GPD2: variants seen among roughly 807,000 people sequenced by gnomAD.
GPD2 encodes glycerol-3-phosphate dehydrogenase, mitochondrial.
In GPD2, 54 loss-of-function variants were observed where a neutral mutation model predicts 82.4. The ratio of observed to expected loss-of-function variants is 0.66; its 90% CI spans 0.53 to 0.82. The LOEUF (loss-of-function observed/expected upper bound fraction) is 0.82, where lower values mean the gene tolerates loss of function less well. Among genes scored for constraint, GPD2 ranks in the 40% least tolerant of loss-of-function variants. The pLI is 0.00. For synonymous variants in GPD2, 288 were observed against 306.1 expected (o/e 0.94, Z 0.62); for missense variants, 748 against 896.2 (o/e 0.83, Z 2.11).
intron 6 of GPD2, among the ~76,000 whole-genome samples, chr2:156,543,175 T>A (rs1421917939): frequency 6.6e-6 from 1 of 152,184 alleles, no homozygotes; most frequent in African/African-American, 2.4e-5. Context: ...CCATTGTCTG[T>A]TGGGTAGCTA....
chr2:156,405,459 C>G, the GPD2 span, among the ~76,000 whole-genome samples: 1 of 152,194 alleles, frequency 6.6e-6, no homozygotes, highest in African/African-American at 2.4e-5. Flanking sequence ...GAGGACGCAG[C>G]CTTAGGGAAT....
chr2:156,557,483 G>C lies in GPD2; in HGVS notation c.1066G>C (p.Asp356His), dbSNP rs374133957. The C allele has an allele frequency of 6.9e-6, 11 of 1,599,800 alleles. No homozygotes were observed. The highest frequency in any genetic ancestry group is 8.6e-6 in the Non-Finnish European group (10 of 1,167,078). Residue 356 changes from aspartate (D) to histidine (H), a missense_variant, in exon 9 of 17, where the codon GAT (aspartate) becomes CAT (histidine). By Grantham distance (81) the Asp-to-His change is moderately conservative (BLOSUM62 -1). This residue lies in a region of GPD2 where 692 missense variants were observed against 809.7 expected (regional missense o/e 0.85). Transcript: ENST00000438166. ...AAAGATGACGATCGCTGGCACTACT[G>C]ATACTCCAACTGATGTTACACACCA... is the stretch of plus-strand genomic sequence containing the variant. Reference protein sequence around the residue: ...WQKMTIAGTTDTPTDVTHHPI... With the variant: ...WQKMTIAGTTHTPTDVTHHPI...
At chr2:156,464,432 G>T (rs1683085265) in intron 1 of GPD2, among the ~76,000 whole-genome samples, 1 of 152,074 alleles carries the variant, frequency 6.6e-6, no homozygotes, top group Non-Finnish European at 1.5e-5. Context: ...ATGTACAGAG[G>T]AGTAAATTTT....
intron 8 of GPD2, among the ~76,000 whole-genome samples, chr2:156,554,463 G>C (rs1686885097): frequency 6.6e-6 from 1 of 152,164 alleles, no homozygotes; most frequent in African/African-American, 2.4e-5. Flanking sequence ...TATCTTCTTG[G>C]GCTGTTTTCA....
intron 6 of GPD2, among the ~76,000 whole-genome samples, chr2:156,514,763 G>C (rs1039777865): frequency 2.0e-5 from 3 of 152,186 alleles, no homozygotes; most frequent in Admixed American, 2.0e-4. Flanking sequence ...CCGAGCATCT[G>C]AACACCACAG....
In GPD2 at chr2:156,513,352, T is replaced by C; in HGVS notation, c.517T>C (p.Tyr173His). 4 of 1,611,606 alleles carry C rather than the reference T, an allele frequency of 2.5e-6. No homozygotes were observed. The highest frequency in any genetic ancestry group is 3.4e-6 in the Non-Finnish European group (4 of 1,179,010). ...CTGTAGGTGGTGGCAGTTACCTTAC[T>C]ACTGGGTAGGAATCAAGCTGTATGA... ...PVYKWWQLPY[Y>H]WVGIKLYDLV... The change falls in exon 6 of 17, where the codon TAC (tyrosine) becomes CAC (histidine). Residue 173 changes from tyrosine to histidine, a missense_variant. Tyr to His is a moderately conservative substitution (Grantham distance 83). Around this residue, in one of 3 missense-constraint regions of GPD2, gnomAD observed 692 missense variants for 809.7 expected, o/e 0.85. Coordinates refer to ENST00000438166, the MANE Select transcript of GPD2 (RefSeq NM_000408.5).
At chr2:156,426,080 C>T in the GPD2 span, among the ~76,000 whole-genome samples, 3 of 152,022 alleles carry the variant, frequency 2.0e-5, no homozygotes, top group East Asian at 1.9e-4. Flanking sequence ...CCCACCACCA[C>T]GCCAGGCTAA....
the GPD2 span, among the ~76,000 whole-genome samples, chr2:156,416,167 T>TATATAC: frequency 6.6e-6 from 1 of 151,706 alleles, no homozygotes; most frequent in Admixed American, 6.6e-5. Context: ...TCTTTGGTTG[T>TATATAC]ATATACATAT....
chr2:156,439,995 C>T (rs1420537312), intron 1 of GPD2, among the ~76,000 whole-genome samples: 1 of 151,956 alleles, frequency 6.6e-6, no homozygotes, highest in East Asian at 1.9e-4. Context: ...CCCCTCAACC[C>T]GCTAAATTCA....
rs542108268 is a variant in GPD2 at position 156,470,330 on chromosome 2, A to G, written c.-8-5768A>G. Among the ~76,000 whole-genome samples, 5 of 152,092 alleles carry G rather than the reference A, an allele frequency of 3.3e-5. 1 individual carries two copies. Among genetic ancestry groups the G allele is most frequent in the Admixed American group, 6.6e-5 (1 of 15,262 alleles). On this transcript the variant is annotated intron_variant, in intron 1 of 16. Coordinates refer to ENST00000438166, the MANE Select transcript of GPD2 (RefSeq NM_000408.5). ...CCCACTTTGGCCTCTTGAATAGCTG[A>G]AACTAGAGGTGTGCGCCACCATGCC...
Position 156,476,168 on chromosome 2 carries a change from T to C in GPD2, c.63T>C (p.Val21=). 3 of 1,609,464 alleles carry C rather than the reference T, an allele frequency of 1.9e-6. No homozygotes were observed. Among genetic ancestry groups the C allele is most frequent in the Non-Finnish European group, 2.6e-6 (3 of 1,175,816 alleles). ...TTGGAGGAGGTGCTCTTGCAACTGT[T>C]TTAGGACTTTCTCAGTTTGCTCATT... ...ILVGGGALAT[V]LGLSQFAHYR... The change falls in exon 2 of 17, where the codon GTT becomes GTC. Residue 21 remains valine (V), a synonymous_variant. Coordinates refer to ENST00000438166, the MANE Select transcript of GPD2 (RefSeq NM_000408.5).
chr2:156,553,276 C>T (rs1686834476), intron 8 of GPD2, among the ~76,000 whole-genome samples: 1 of 152,058 alleles, frequency 6.6e-6, no homozygotes, highest in Non-Finnish European at 1.5e-5. Flanking sequence ...GCTGTATCCC[C>T]AGCTATTGGT....
chr2:156,449,899 C>T (rs1682495302), intron 1 of GPD2, among the ~76,000 whole-genome samples: 2 of 143,320 alleles, frequency 1.4e-5, no homozygotes, highest in South Asian at 2.3e-4. Flanking sequence ...CCTGTAATCC[C>T]AGCTACTAGG....
At chr2:156,526,346 CAA>C (rs1167272967) in intron 6 of GPD2, among the ~76,000 whole-genome samples, 1 of 152,106 alleles carries the variant, frequency 6.6e-6, no homozygotes, top group African/African-American at 2.4e-5. Context: ...CAGAGAGTCT[CAA>C]ATGCTGTTAT....
chr2:156,442,835 A>G (rs575920473), intron 1 of GPD2, among the ~76,000 whole-genome samples: 2 of 152,188 alleles, frequency 1.3e-5, no homozygotes, highest in South Asian at 2.1e-4. Flanking sequence ...AATAAAAAGA[A>G]AGGATGTTTT....
the GPD2 span, among the ~76,000 whole-genome samples, chr2:156,401,206 A>C: frequency 1.3e-5 from 2 of 152,176 alleles, no homozygotes; most frequent in African/African-American, 4.8e-5. Context: ...TCTACCACTG[A>C]ACCACCAATG....
At position 156,509,765 on chromosome 2, in the gene GPD2, C is replaced by CTTTT. The variant is rs60361072; in HGVS notation, c.275-1015_275-1012dup. Among the ~76,000 whole-genome samples, 473 of 117,358 alleles carry CTTTT rather than the reference C, an allele frequency of 4.0e-3. 20 individuals are homozygous for CTTTT. The highest frequency in any genetic ancestry group is 0.026 in the East Asian group (103 of 3,902). 77.0% of individuals were successfully genotyped at this position (117,358 alleles called of 152,430 possible). On this transcript the variant is annotated intron_variant, in intron 3 of 16. Transcript: ENST00000438166. ...CTTTCCTTATCAAGAATATGTTCTT[C>CTTTT]TTTTTTTTTTTTTTTTTTTATTTCC... is the stretch of plus-strand genomic sequence containing the variant.
chr2:156,493,956 GT>G (rs1558926565), intron 2 of GPD2, among the ~76,000 whole-genome samples: 1 of 124,372 alleles, frequency 8.0e-6, no homozygotes, highest in Non-Finnish European at 1.8e-5. Context: ...GTGTGTGTGT[GT>G]GTATAATTTT....
the GPD2 span, among the ~76,000 whole-genome samples, chr2:156,406,991 AC>A: frequency 6.6e-6 from 1 of 152,164 alleles, no homozygotes; most frequent in Non-Finnish European, 1.5e-5. Flanking sequence ...CGGGCAGATC[AC>A]CTGAGGTCAC....
Sources: allele counts gnomAD v4.1 joint callset (sites outside exome capture counted in the v4.1 genomes callset), GRCh38; gene constraint gnomAD v4.1.1; regional missense constraint gnomAD v4.1.1; transcripts MANE v1.5; gene names NCBI Gene and HGNC (gene_info 2026-07-23, HGNC 2026-07-21).